TRAM2: variants seen among roughly 807,000 people sequenced by gnomAD.
The protein encoded by TRAM2 is translocating chain-associated membrane protein 2.
In TRAM2, 12 loss-of-function variants were observed where a neutral mutation model predicts 51.0. The ratio of observed to expected loss-of-function variants is 0.24; its 90% CI spans 0.15 to 0.38. The LOEUF (loss-of-function observed/expected upper bound fraction) is 0.38, where lower values mean the gene tolerates loss of function less well. Among genes scored for constraint, TRAM2 ranks in the 10% least tolerant of loss-of-function variants. The probability of loss-of-function intolerance (pLI) is 1.00; values close to 1 mark genes in which losing one functional copy is unlikely to be tolerated. For missense variants in TRAM2, 361 were observed against 462.0 expected (o/e 0.78, Z 2.00); for synonymous variants, 175 against 179.4 (o/e 0.98, Z 0.20).
intron 1 of TRAM2, among the ~76,000 whole-genome samples, chr6:52,574,296 G>C (rs1160023787): frequency 6.6e-6 from 1 of 152,100 alleles, no homozygotes; most frequent in Non-Finnish European, 1.5e-5. Context: ...CAGTATCCAG[G>C]ACGCTTCTGC....
intron 1 of TRAM2, among the ~76,000 whole-genome samples, chr6:52,561,487 C>CTTT (rs61175622): frequency 7.7e-6 from 1 of 130,286 alleles, no homozygotes. Flanking sequence ...GTTTCTTTTT[C>CTTT]TTTTTTTTTT....
At chr6:52,520,378 G>A (rs1047381886) in intron 2 of TRAM2, among the ~76,000 whole-genome samples, 4 of 152,204 alleles carry the variant, frequency 2.6e-5, no homozygotes, top group African/African-American at 9.7e-5. Flanking sequence ...AGGGAGAATG[G>A]GTTAGAGTGG....
intron 1 of TRAM2, among the ~76,000 whole-genome samples, chr6:52,569,159 C>A (rs12529369): frequency 0.12 from 18,856 of 152,132 alleles, 1,599 homozygotes; most frequent in Admixed American, 0.29. Flanking sequence ...CTTTGGGAGG[C>A]CAAGGCAGGC....
intron 4 of TRAM2, among the ~76,000 whole-genome samples, chr6:52,511,815 C>T (rs1244405778): frequency 1.3e-5 from 2 of 152,202 alleles, no homozygotes; most frequent in East Asian, 3.8e-4. Context: ...ACTGTAGTCA[C>T]AGTCACCTGG....
chr6:52,574,734 C>CTT (rs1232819140), intron 1 of TRAM2, among the ~76,000 whole-genome samples: 1 of 152,206 alleles, frequency 6.6e-6, no homozygotes, highest in African/African-American at 2.4e-5. Flanking sequence ...AGTAACAGCT[C>CTT]TTAACACCTT....
intron 2 of TRAM2, among the ~76,000 whole-genome samples, chr6:52,528,549 C>T (rs55828716): frequency 0.2 from 30,385 of 152,084 alleles, 3,972 homozygotes; most frequent in Non-Finnish European, 0.29. Context: ...CTGAATGAGG[C>T]TTTAAAACCA....
At chr6:52,509,079 G>A (rs1474616793) in intron 5 of TRAM2, among the ~76,000 whole-genome samples, 2 of 152,182 alleles carry the variant, frequency 1.3e-5, no homozygotes, top group Non-Finnish European at 2.9e-5. Context: ...GCAAAGGGTG[G>A]CCTCCTGAGG....
chr6:52,506,042 TG>T lies in TRAM2; in HGVS notation c.720del (p.Asn240LysfsTer115), dbSNP rs771429990. ...AGCAGACCCACTTACAGTTTCTCGT[TG>T]TTTTCATCTGCAAAGTAGAAGAGTC... is the stretch of plus-strand genomic sequence containing the variant. ...TARLFYFADE[N>X]NEKLFSAWAA... On this transcript the variant is annotated frameshift_variant, in exon 8 of 11. Coordinates refer to ENST00000182527, the MANE Select transcript of TRAM2 (RefSeq NM_012288.4). LOFTEE classifies it high-confidence loss of function. 6.2e-7 allele frequency: 1 copy of T among 1,613,222 alleles called. No homozygotes were observed. The highest frequency in any genetic ancestry group is 1.1e-5 in the South Asian group (1 of 91,082).
chr6:52,565,067 A>G (rs1292624273), intron 1 of TRAM2, among the ~76,000 whole-genome samples: 3 of 152,188 alleles, frequency 2.0e-5, no homozygotes, highest in African/African-American at 7.2e-5. Context: ...AGGGAGGTGC[A>G]GAGTCCAGGA....
intron 1 of TRAM2, among the ~76,000 whole-genome samples, chr6:52,552,346 T>C (rs944841259): frequency 6.6e-6 from 1 of 152,242 alleles, no homozygotes; most frequent in African/African-American, 2.4e-5. Context: ...TGTTGGGTAC[T>C]TGGTGGCCAC....
intron 2 of TRAM2, among the ~76,000 whole-genome samples, chr6:52,534,762 C>G (rs1666274918): frequency 6.6e-6 from 1 of 152,194 alleles, no homozygotes; most frequent in Non-Finnish European, 1.5e-5. Flanking sequence ...TGACAATTGG[C>G]TGGAAGTGAG....
At chr6:52,539,882 T>C (rs1011567840) in intron 1 of TRAM2, among the ~76,000 whole-genome samples, 1 of 152,152 alleles carries the variant, frequency 6.6e-6, no homozygotes, top group Non-Finnish European at 1.5e-5. Context: ...GAATAGTAGG[T>C]TTCTCATAAA....
rs1322637738 is a variant in TRAM2, at chr6:52,503,242, T to C, written c.1068A>G (p.Ala356=). The C allele has an allele frequency of 1.2e-6, 2 of 1,614,140 alleles. No homozygotes were observed. The highest frequency in any genetic ancestry group is 1.7e-6 in the Non-Finnish European group (2 of 1,180,008). ...TAGTCCGTGGGGAGGTTCCGTTCTCTGCCTTCACCACTCCATTTTCATGGT... is the reference window on the plus strand; with the variant it reads ...TAGTCCGTGGGGAGGTTCCGTTCTCCGCCTTCACCACTCCATTTTCATGGT... ...SGYHENGVVK[A]ENGTSPRTKK... The change falls in exon 11 of 11, where the codon GCA becomes GCG. Residue 356 remains alanine, a synonymous_variant. Coordinates refer to ENST00000182527, the MANE Select transcript of TRAM2 (RefSeq NM_012288.4).
chr6:52,535,667 C>G, intron 2 of TRAM2, 116 bp downstream of exon 2: 4 of 819,918 alleles, frequency 4.9e-6, no homozygotes, highest in Non-Finnish European at 1.9e-6. Flanking sequence ...GGTGACAGAG[C>G]AGAGACTCCG....
intron 2 of TRAM2, among the ~76,000 whole-genome samples, chr6:52,520,550 C>T (rs1393644170): frequency 1.3e-5 from 2 of 152,226 alleles, no homozygotes; most frequent in Non-Finnish European, 2.9e-5. Flanking sequence ...TGGAACAGTA[C>T]CTATATTCTA....
chr6:52,511,927 A>G (rs1381874736), intron 4 of TRAM2, among the ~76,000 whole-genome samples: 2 of 152,142 alleles, frequency 1.3e-5, no homozygotes, highest in African/African-American at 2.4e-5. Flanking sequence ...TTGAGGAATA[A>G]AAGTGGATGA....
At chr6:52,566,392 T>C (rs1179528573) in intron 1 of TRAM2, among the ~76,000 whole-genome samples, 1 of 152,154 alleles carries the variant, frequency 6.6e-6, no homozygotes, top group Non-Finnish European at 1.5e-5. Context: ...GCTTGCTTCC[T>C]GGTTGGGGGT....
At chr6:52,576,772 G>C in intron 1 of TRAM2, 24 bp downstream of exon 1, 1 of 1,609,840 alleles carries the variant, frequency 6.2e-7, no homozygotes, top group Non-Finnish European at 8.5e-7. Context: ...TGTCCCTCCA[G>C]CTCCCTCCTC....
intron 2 of TRAM2, among the ~76,000 whole-genome samples, chr6:52,533,373 T>C (rs1452053390): frequency 6.6e-6 from 1 of 152,212 alleles, no homozygotes; most frequent in Non-Finnish European, 1.5e-5. Context: ...GGATTTGACT[T>C]AGAACACATA....
Sources: allele counts gnomAD v4.1 joint callset (sites outside exome capture counted in the v4.1 genomes callset), GRCh38; gene constraint gnomAD v4.1.1; transcripts MANE v1.5; gene names NCBI Gene and HGNC (gene_info 2026-07-23, HGNC 2026-07-21).